Variants in USP49 observed in about 807,000 individuals in gnomAD.
The protein encoded by USP49 is ubiquitin carboxyl-terminal hydrolase 49.
A neutral mutation model predicts 58.6 loss-of-function variants in USP49; 24 were observed. The ratio of observed to expected loss-of-function variants is 0.41; its 90% CI spans 0.30 to 0.58. The LOEUF (loss-of-function observed/expected upper bound fraction) is 0.58. Among genes scored for constraint, USP49 ranks in the 20% least tolerant of loss-of-function variants. The probability of loss-of-function intolerance (pLI) is 0.30; values close to 1 mark genes in which losing one functional copy is unlikely to be tolerated. For missense variants in USP49, 703 were observed against 866.1 expected (o/e 0.81, Z 2.36); for synonymous variants, 408 against 365.1 (o/e 1.12, Z -1.34).
chr6:41,806,562 G>T lies in USP49; in HGVS notation c.422C>A (p.Thr141Lys), dbSNP rs752915476. 17 of 1,602,944 alleles carry T rather than the reference G, an allele frequency of 1.1e-5. No homozygotes were observed. Among genetic ancestry groups the T allele is most frequent in the Non-Finnish European group, 1.4e-5 (17 of 1,178,824 alleles). Residue 141 changes from threonine to lysine, a missense_variant, in exon 4 of 8, where the codon ACG (threonine) becomes AAG (lysine). Transcript: ENST00000682992. The surrounding 1 kb of genome is among the most constrained non-coding windows in gnomAD (Gnocchi z 5.9). ...GCGCTGACGCCGGTACCACAGAGCC[G>T]TGAGCATCTGCGGCTGTCCCTGAGG... ...RAPQGQPQML[T>K]ALWYRRQRLL...
chr6:41,851,710 T>G (rs984534207), intron 3 of USP49, among the ~76,000 whole-genome samples: 16 of 151,460 alleles, frequency 1.1e-4, no homozygotes, highest in Admixed American at 3.9e-4. Context: ...ATCCCAGCAC[T>G]TTGGGAGGCC....
intron 3 of USP49, among the ~76,000 whole-genome samples, chr6:41,867,940 A>T (rs1160313409): frequency 6.6e-6 from 1 of 152,258 alleles, no homozygotes; most frequent in Non-Finnish European, 1.5e-5. Flanking sequence ...TACTTAAGAT[A>T]CATGATTTCA....
At chr6:41,891,193 G>A (rs1774805205) in intron 2 of USP49, among the ~76,000 whole-genome samples, 1 of 152,196 alleles carries the variant, frequency 6.6e-6, no homozygotes, top group Non-Finnish European at 1.5e-5. Flanking sequence ...CAACAGGCAA[G>A]CCAGAGGCAA....
At position 41,797,094 on chromosome 6, in the gene USP49, G is replaced by A. The variant is rs1380749360; in HGVS notation, c.1877-371C>T. Among the ~76,000 whole-genome samples the A allele has an allele frequency of 2.6e-5, 4 of 151,836 alleles. No individual in the cohort carries two copies. In the East Asian group the frequency reaches 7.7e-4, roughly 29 times the overall value. The stretch of plus-strand genomic sequence containing the variant: ...TCCTGCCTCAGCCTCTCGAGTAGCT[G>A]GGACTACAGGTGCCCACCACCACGC... On this transcript the variant is annotated intron_variant, in intron 7 of 7. Coordinates refer to ENST00000682992, the MANE Select transcript of USP49 (RefSeq NM_001286554.2).
chr6:41,810,329 AC>A (rs1773233787), intron 3 of USP49, among the ~76,000 whole-genome samples: 1 of 143,964 alleles, frequency 6.9e-6, no homozygotes, highest in African/African-American at 2.7e-5. Flanking sequence ...AAAAAAAAAA[AC>A]ACAAAAAAAA....
intron 6 of USP49, 119 bp downstream of exon 6, chr6:41,799,711 G>A (rs1772960829): frequency 1.2e-6 from 1 of 819,806 alleles, no homozygotes; most frequent in Non-Finnish European, 2.0e-6. Context: ...GAAAACACGA[G>A]GTCTCAAGTG....
chr6:41,884,124 A>C (rs1774666178), intron 2 of USP49, among the ~76,000 whole-genome samples: 1 of 152,130 alleles, frequency 6.6e-6, no homozygotes, highest in African/African-American at 2.4e-5. Flanking sequence ...GCTGGGTTCA[A>C]GCAATTCTCC....
chr6:41,878,374 A>G (rs1561925722), intron 2 of USP49, among the ~76,000 whole-genome samples: 3 of 152,230 alleles, frequency 2.0e-5, no homozygotes, highest in South Asian at 2.1e-4. Context: ...ATACGATCTT[A>G]GCCAGATTGG....
rs1173097904 is a variant in USP49, at chr6:41,799,958, A to T, written c.1562-20T>A. On this transcript the variant is annotated intron_variant, in intron 5 of 7. Transcript: ENST00000682992. ...GTTTGCCTATGTGGTTTGGGAAGGT[A>T]TAAGACATAGGTTGTGAGGAGTTTT... The T allele has an allele frequency of 1.9e-6, 3 of 1,610,438 alleles. No homozygotes were observed. The highest frequency in any genetic ancestry group is 1.7e-5 in the Admixed American group (1 of 59,960).
intron 3 of USP49, among the ~76,000 whole-genome samples, chr6:41,843,889 C>A (rs945836760): frequency 1.3e-5 from 2 of 152,058 alleles, no homozygotes; most frequent in Non-Finnish European, 2.9e-5. Context: ...ACTAAAAATA[C>A]AAAAATTAGC....
rs546239014 is a variant in USP49 at position 41,790,695 on chromosome 6, C to A, written c.*5838G>T. ...AACAGGACAAAATAGTCTTTCCTGA[C>A]CTTGCTGGCATAAATATTAAGAAAA... On this transcript the variant is annotated 3_prime_UTR_variant, in exon 8 of 8. Coordinates refer to ENST00000682992, the MANE Select transcript of USP49 (RefSeq NM_001286554.2). The A allele has an allele frequency of 2.6e-4, 40 of 152,196 alleles. No individual in the cohort carries two copies. The highest frequency in any genetic ancestry group is 9.4e-4 in the African/African-American group (39 of 41,520). 9.4% of individuals were successfully genotyped at this position (152,196 alleles called of 1,614,324 possible).
chr6:41,828,610 A>G (rs1233016475), intron 3 of USP49, among the ~76,000 whole-genome samples: 1 of 152,212 alleles, frequency 6.6e-6, no homozygotes, highest in African/African-American at 2.4e-5. Context: ...AGTTCTTTAT[A>G]TATTCTGAAT....
At chr6:41,835,180 G>C (rs1486168555) in intron 3 of USP49, among the ~76,000 whole-genome samples, 1 of 152,124 alleles carries the variant, frequency 6.6e-6, no homozygotes, top group South Asian at 2.1e-4. Context: ...ATCCCAGAGG[G>C]GAAAAGACTT....
chr6:41,845,176 G>T (rs1255985876), intron 3 of USP49, among the ~76,000 whole-genome samples: 1 of 152,064 alleles, frequency 6.6e-6, no homozygotes, highest in Non-Finnish European at 1.5e-5. Flanking sequence ...GCTGGGATAA[G>T]AGGTGTGAGC....
rs67716441 is a variant in USP49 at position 41,851,952 on chromosome 6, CAAAA to C, written c.-29+19608_-29+19611del. ...CTGGGAGACAGAGCGAGACTCGTCT[CAAAA>C]AAAAAAAAAAAAAAAAAAAAGAAAG... On this transcript the variant is annotated intron_variant, in intron 3 of 7. Transcript: ENST00000682992. 1.6e-4 allele frequency among the ~76,000 whole-genome samples: 9 copies of C among 54,880 alleles called. No individual in the cohort carries two copies. In the East Asian group the frequency reaches 2.3e-3, roughly 14 times the overall value. 36.0% of individuals were successfully genotyped at this position (54,880 alleles called of 152,430 possible). A position where few individuals can be genotyped will look rare whatever the true frequency, so the allele number is the denominator to read the frequency against.
intron 2 of USP49, among the ~76,000 whole-genome samples, chr6:41,881,927 G>A (rs1264218116): frequency 1.3e-5 from 2 of 151,880 alleles, no homozygotes; most frequent in African/African-American, 2.4e-5. Context: ...AGATGCCAAA[G>A]CTTCGTAAAT....
rs775647919 is a variant in USP49, at chr6:41,802,436, A to ATTTTATTTTAT, written c.1561+1369_1561+1370insATAAAATAAAA. Reference sequence around the variant, plus strand: ...TATTTTATTTTATTTTATTTTATTTATTTATTTATTTATTTATTTATTTAT... The same window carrying ATTTTATTTTAT: ...TATTTTATTTTATTTTATTTTATTTATTTTATTTTATTTTATTTATTTATTTATTTATTTAT... On this transcript the variant is annotated intron_variant, in intron 5 of 7. Transcript: ENST00000682992. 4.3e-4 allele frequency among the ~76,000 whole-genome samples: 14 copies of ATTTTATTTTAT among 32,674 alleles called. No homozygotes were observed. In the South Asian group the frequency reaches 6.0e-3, roughly 14 times the overall value. 21.4% of individuals were successfully genotyped at this position (32,674 alleles called of 152,430 possible).
intron 4 of USP49, among the ~76,000 whole-genome samples, chr6:41,805,218 C>T (rs1315274130): frequency 2.6e-5 from 4 of 152,212 alleles, no homozygotes; most frequent in African/African-American, 9.7e-5. Context: ...CCTACCTTCC[C>T]TGTATGTAAA....
intron 3 of USP49, among the ~76,000 whole-genome samples, chr6:41,810,248 AG>A (rs1475525755): frequency 6.6e-6 from 1 of 151,922 alleles, no homozygotes; most frequent in Non-Finnish European, 1.5e-5. Flanking sequence ...TGGGAGACCG[AG>A]GCAGGCGGAT....
Sources: allele counts gnomAD v4.1 joint callset (sites outside exome capture counted in the v4.1 genomes callset), GRCh38; gene constraint gnomAD v4.1.1; non-coding constraint Gnocchi (gnomAD v3.1); transcripts MANE v1.5; gene names NCBI Gene and HGNC (gene_info 2026-07-23, HGNC 2026-07-21).